MAP4K5: variants seen among roughly 807,000 people sequenced by gnomAD.
MAP4K5 encodes MAPK/ERK kinase kinase kinase 5.
In MAP4K5, 82 loss-of-function variants were observed where a neutral mutation model predicts 135.6. That is an observed-to-expected ratio of 0.60 (90% CI 0.51 to 0.73). The LOEUF is 0.73. Ranked by LOEUF, MAP4K5 falls within the 30% of genes least tolerant of loss-of-function variation. MAP4K5 has a pLI of 0.00. For missense variants in MAP4K5, 907 were observed against 1,010.9 expected (o/e 0.90, Z 1.39); for synonymous variants, 347 against 335.0 (o/e 1.04, Z -0.39).
intron 1 of MAP4K5, among the ~76,000 whole-genome samples, chr14:50,543,734 G>T (rs1348882025): frequency 6.6e-6 from 1 of 152,100 alleles, no homozygotes; most frequent in Non-Finnish European, 1.5e-5. Flanking sequence ...AGAATGCATG[G>T]GCCTGTGAAC....
At position 50,425,897 on chromosome 14, in the gene MAP4K5, G is replaced by A. The variant is rs1042557245; in HGVS notation, c.2397+10C>T. 2 of 1,599,554 alleles carry A rather than the reference G, an allele frequency of 1.3e-6. No homozygotes were observed. The highest frequency in any genetic ancestry group is 1.7e-6 in the Non-Finnish European group (2 of 1,169,056). ...GTGGGAGTCAGTGGAGGTAATCTGA[G>A]AAGGCTTACCTCATCTGACTTGAAG... On this transcript the variant is annotated intron_variant, in intron 31 of 32. Coordinates refer to ENST00000682126, the MANE Select transcript of MAP4K5 (RefSeq NM_006575.6).
intron 14 of MAP4K5, among the ~76,000 whole-genome samples, chr14:50,451,998 A>C (rs2036498620): frequency 6.6e-6 from 1 of 152,144 alleles, no homozygotes; most frequent in Non-Finnish European, 1.5e-5. Context: ...TTGAATTTTG[A>C]TCTTTTCCCA....
In MAP4K5 at chr14:50,426,840, T is replaced by C. The variant is rs181272423; in HGVS notation, c.2327-863A>G. 5.1e-3 allele frequency among the ~76,000 whole-genome samples: 778 copies of C among 152,360 alleles called. 10 individuals are homozygous for C. The highest frequency in any genetic ancestry group is 0.018 in the African/African-American group (744 of 41,582). ...CAATTCTTACATAAAATTCTTAGTA[T>C]TTAACCATTACAAGTAAGTATTAGA... On this transcript the variant is annotated intron_variant, in intron 30 of 32. Coordinates refer to ENST00000682126, the MANE Select transcript of MAP4K5 (RefSeq NM_006575.6).
intron 15 of MAP4K5, among the ~76,000 whole-genome samples, chr14:50,448,432 T>C (rs934782665): frequency 2.0e-4 from 30 of 150,786 alleles, no homozygotes; most frequent in African/African-American, 7.3e-4. Flanking sequence ...AGTAAGGCAA[T>C]ACAGAATGTA....
chr14:50,481,390 C>A (rs1185308807), intron 6 of MAP4K5, among the ~76,000 whole-genome samples: 1 of 151,390 alleles, frequency 6.6e-6, no homozygotes, highest in Non-Finnish European at 1.5e-5. Context: ...CATGTGGGAA[C>A]CAACTCTTCA....
At chr14:50,504,959 C>G in intron 2 of MAP4K5, 102 bp from the exon 3 acceptor site, 1 of 667,872 alleles carries the variant, frequency 1.5e-6, no homozygotes, top group Non-Finnish European at 2.3e-6. Flanking sequence ...ATACTTTTAT[C>G]AAAACTAAAA....
intron 2 of MAP4K5, among the ~76,000 whole-genome samples, chr14:50,528,424 G>T (rs1297097972): frequency 7.2e-6 from 1 of 139,498 alleles, no homozygotes; most frequent in African/African-American, 2.6e-5. Flanking sequence ...AAAAAAAAAA[G>T]GCAGGGAAAA....
At chr14:50,553,860 C>A (rs1182054320) in intron 1 of MAP4K5, among the ~76,000 whole-genome samples, 3 of 152,026 alleles carry the variant, frequency 2.0e-5, no homozygotes. Flanking sequence ...AATGGAAAAC[C>A]AAATATTGTA....
rs78434445 is a variant in MAP4K5 at position 50,490,662 on chromosome 14, G to C, written c.167-4468C>G. ...CTAAACTACAATTTTTAACTGGAGTGGGCAGCCAACCCCCTAAAACAAGTT... is the reference window on the plus strand; with the variant it reads ...CTAAACTACAATTTTTAACTGGAGTCGGCAGCCAACCCCCTAAAACAAGTT... On this transcript the variant is annotated intron_variant, in intron 3 of 32. Transcript: ENST00000682126. Among the ~76,000 whole-genome samples the C allele has an allele frequency of 7.6e-3, 1,161 of 152,236 alleles. 17 individuals carry two copies. Among genetic ancestry groups the C allele is most frequent in the African/African-American group, 0.026 (1,064 of 41,528 alleles).
chr14:50,462,100 T>C (rs149760896), intron 13 of MAP4K5, among the ~76,000 whole-genome samples: 8 of 152,358 alleles, frequency 5.3e-5, no homozygotes, highest in Non-Finnish European at 1.0e-4. Context: ...ATTTTGTTAA[T>C]ACAAATTCAA....
intron 2 of MAP4K5, among the ~76,000 whole-genome samples, chr14:50,510,476 T>C (rs542114257): frequency 5.9e-5 from 9 of 152,336 alleles, no homozygotes; most frequent in Admixed American, 4.6e-4. Context: ...CATGATCCTT[T>C]GAAAGGCTGT....
intron 3 of MAP4K5, among the ~76,000 whole-genome samples, chr14:50,490,637 C>T (rs993745982): frequency 6.6e-6 from 1 of 152,166 alleles, no homozygotes; most frequent in Non-Finnish European, 1.5e-5. Flanking sequence ...CACTGCAACT[C>T]TAAACTACAA....
chr14:50,520,363 T>C (rs1462465222), intron 2 of MAP4K5, among the ~76,000 whole-genome samples: 2 of 152,158 alleles, frequency 1.3e-5, no homozygotes, highest in Non-Finnish European at 2.9e-5. Context: ...TAGTCGGGCA[T>C]GGCAGCGTGC....
At chr14:50,504,002 C>A (rs10141089) in intron 3 of MAP4K5, among the ~76,000 whole-genome samples, 144,489 of 152,024 alleles carry the variant, frequency 0.95, 69,077 homozygotes, top group Non-Finnish European at 1. Context: ...TTTGCCAGGA[C>A]AAAAAAGATA....
At chr14:50,517,559 G>A (rs1054546971) in intron 2 of MAP4K5, among the ~76,000 whole-genome samples, 1 of 151,910 alleles carries the variant, frequency 6.6e-6, no homozygotes, top group Non-Finnish European at 1.5e-5. Context: ...CTTGAGGTCG[G>A]GAGTTCAAGA....
At chr14:50,442,908 A>C in intron 20 of MAP4K5, 92 bp from the exon 21 acceptor site, 1 of 705,332 alleles carries the variant, frequency 1.4e-6, no homozygotes, top group Non-Finnish European at 2.4e-6. Context: ...TACCAAATTA[A>C]CTCTTATTTG....
chr14:50,473,742 G>A (rs1164466523), intron 9 of MAP4K5, among the ~76,000 whole-genome samples: 1 of 17,350 alleles, frequency 5.8e-5, no homozygotes, highest in Non-Finnish European at 9.5e-5. Context: ...TTTTTTTTTT[G>A]AGACGGAGTC....
At chr14:50,455,717 A>C (rs772803852) in intron 14 of MAP4K5, among the ~76,000 whole-genome samples, 1 of 152,118 alleles carries the variant, frequency 6.6e-6, no homozygotes, top group Non-Finnish European at 1.5e-5. Context: ...TCAAATATTT[A>C]ATGAATTATT....
chr14:50,547,589 TTACATAAGG>T (rs2038649956), intron 1 of MAP4K5, among the ~76,000 whole-genome samples: 1 of 152,132 alleles, frequency 6.6e-6, no homozygotes, highest in Non-Finnish European at 1.5e-5. Flanking sequence ...AATCCAGAAG[TTACATAAGG>T]TACAGATAGG....
Sources: allele counts gnomAD v4.1 joint callset (sites outside exome capture counted in the v4.1 genomes callset), GRCh38; gene constraint gnomAD v4.1.1; transcripts MANE v1.5; gene names NCBI Gene and HGNC (gene_info 2026-07-23, HGNC 2026-07-21).